The following DMD variants were observed in gnomAD, a reference collection of about 807,000 sequenced individuals.
DMD encodes the protein mutant dystrophin.
DMD carries 63 observed loss-of-function variants against 330.1 expected under a neutral mutation model. The observed-to-expected ratio is 0.19, with a 90% CI of 0.16 to 0.24. The LOEUF (loss-of-function observed/expected upper bound fraction) is 0.24. DMD is among the 10% of genes least tolerant of loss of function. The pLI, the probability that DMD is intolerant of heterozygous loss-of-function variation, is 1.00. For missense variants in DMD, 3,344 were observed against 2,684.1 expected (o/e 1.25, Z -5.43); for synonymous variants, 1,223 against 959.8 (o/e 1.27, Z -5.07).
At chrX:31,269,756 C>A (rs1603273462) in intron 62 of DMD, among the ~76,000 whole-genome samples, 1 of 111,970 alleles carries the variant, frequency 8.9e-6, no homozygotes, top group African/African-American at 3.2e-5. Flanking sequence ...GGTCTTTGAA[C>A]CACTTAAACT....
chrX:31,419,458 G>C (rs1380603555), intron 60 of DMD, among the ~76,000 whole-genome samples: 2 of 110,416 alleles, frequency 1.8e-5, no homozygotes. Context: ...ACTTCCCCAG[G>C]AAACTTTCCA....
chrX:32,668,506 C>T (rs2061446958), intron 9 of DMD, among the ~76,000 whole-genome samples: 1 of 112,128 alleles, frequency 8.9e-6, no homozygotes, highest in Admixed American at 9.5e-5. Flanking sequence ...TCCTTCGCAT[C>T]TCTGCATTAT....
intron 44 of DMD, among the ~76,000 whole-genome samples, chrX:32,153,383 G>A (rs2096814917): frequency 1.8e-5 from 2 of 110,465 alleles, no homozygotes; most frequent in Admixed American, 9.7e-5. Context: ...AATATACAGG[G>A]GTACACAGGT....
intron 1 of DMD, among the ~76,000 whole-genome samples, chrX:33,230,027 G>T (rs1281652184): frequency 1.8e-5 from 2 of 111,582 alleles, no homozygotes; most frequent in African/African-American, 6.5e-5. Context: ...CTATGCATGT[G>T]ATTACACAAA....
chrX:31,813,161 A>G (rs1299333169), intron 50 of DMD, among the ~76,000 whole-genome samples: 2 of 112,133 alleles, frequency 1.8e-5, no homozygotes, highest in Non-Finnish European at 3.8e-5. Flanking sequence ...AAGCCTACAC[A>G]TCGGAAGGAA....
At chrX:32,310,058 C>T (rs989066213) in intron 42 of DMD, 24 bp downstream of exon 42, 5 of 1,180,735 alleles carry the variant, frequency 4.2e-6, no homozygotes, top group African/African-American at 3.5e-5. Context: ...TTGTAAAATA[C>T]GAATGAAAGT....
At chrX:32,816,106 T>C (rs1017680188) in intron 6 of DMD, among the ~76,000 whole-genome samples, 124 of 111,576 alleles carry the variant, frequency 1.1e-3, no homozygotes, top group African/African-American at 4.0e-3. Flanking sequence ...CTGTATAGTT[T>C]AGGCTTATAC....
chrX:32,376,268 T>C (rs770215515), intron 34 of DMD, among the ~76,000 whole-genome samples: 1 of 111,611 alleles, frequency 9.0e-6, no homozygotes, highest in Non-Finnish European at 1.9e-5. Context: ...AGAGCAAGAC[T>C]CCATCTCAAA....
chrX:32,493,453 AAAG>A (rs1285549439), intron 19 of DMD, among the ~76,000 whole-genome samples: 2 of 112,158 alleles, frequency 1.8e-5, no homozygotes, highest in Non-Finnish European at 3.8e-5. Context: ...TCTAAGTATA[AAAG>A]AAGTCCGTGG....
At chrX:33,119,826 A>G (rs189623315) in intron 1 of DMD, among the ~76,000 whole-genome samples, 61 of 111,929 alleles carry the variant, frequency 5.4e-4, no homozygotes, top group Admixed American at 2.5e-3. Context: ...AGGGTAAATT[A>G]GACTAGGATG....
rs771429960 is a variant in DMD at position 31,517,577 on chromosome X, G to A, written c.8218-10124C>T. On this transcript the variant is annotated intron_variant, in intron 55 of 78. Transcript: ENST00000357033. ...TGTAACATTGTGAAAATAGCATCTG[G>A]TAATGATTATTGGGAGGATGGTGTT... Among the ~76,000 whole-genome samples, 4 of 111,111 alleles carry A rather than the reference G, an allele frequency of 3.6e-5. No homozygotes were observed. The South Asian group carries it at 1.2e-3, about 32-fold the overall frequency.
chrX:31,381,289 C>G (rs1472462269), intron 60 of DMD, among the ~76,000 whole-genome samples: 3 of 111,326 alleles, frequency 2.7e-5, no homozygotes, highest in Admixed American at 9.6e-5. Context: ...GGACTGGGAT[C>G]ACGTCCTGTA....
At chrX:32,462,207 T>C (rs1355847903) in intron 25 of DMD, among the ~76,000 whole-genome samples, 1 of 111,400 alleles carries the variant, frequency 9.0e-6, no homozygotes, top group African/African-American at 3.3e-5. Context: ...CTAGATTTTT[T>C]CCTACTCATA....
In DMD at chrX:31,147,511, G is replaced by T. The variant is rs752218533; in HGVS notation, c.10561C>A (p.Gln3521Lys). Residue 3521 changes from glutamine to lysine, a missense_variant, in exon 75 of 79, where the codon CAA becomes AAA. Coordinates refer to ENST00000357033, the MANE Select transcript of DMD (RefSeq NM_004006.3). ...TGCTTTAGACGGTCATATTCTGCTT[G>T]CAGATTCCTATTGGCATCAAAAAAG... ...ADLEEENRNL[Q>K]AEYDRLKQQH... 1 of 1,184,756 alleles carries T rather than the reference G, an allele frequency of 8.4e-7. No individual in the cohort carries two copies. Among genetic ancestry groups the T allele is most frequent in the Non-Finnish European group, 1.1e-6 (1 of 878,560 alleles).
At chrX:31,483,257 A>G (rs1022122952) in intron 57 of DMD, among the ~76,000 whole-genome samples, 12 of 108,960 alleles carry the variant, frequency 1.1e-4, no homozygotes, top group East Asian at 2.9e-4. Context: ...CGTGTTAGCC[A>G]GGATGGTCTC....
At chrX:32,561,697 G>A (rs112567186) in intron 16 of DMD, among the ~76,000 whole-genome samples, 1,259 of 111,113 alleles carry the variant, frequency 0.011, 22 homozygotes, top group African/African-American at 0.039. Context: ...CAAATTCAGG[G>A]AATGCAAGAT....
At chrX:32,102,665 G>T (rs933974920) in intron 44 of DMD, among the ~76,000 whole-genome samples, 1 of 111,520 alleles carries the variant, frequency 9.0e-6, no homozygotes, top group East Asian at 2.8e-4. Context: ...TTTGAGAACA[G>T]TTGATATGAA....
intron 41 of DMD, among the ~76,000 whole-genome samples, chrX:32,328,898 T>G (rs755637275): frequency 8.9e-6 from 1 of 111,831 alleles, no homozygotes; most frequent in African/African-American, 3.2e-5. Flanking sequence ...TGCTCTTTTT[T>G]TTCTTTTCCT....
Position 32,491,261 on chromosome X carries a change from G to A in DMD, c.2622+16C>T, listed in dbSNP as rs1406366851. 2 of 1,209,377 alleles carry A rather than the reference G, an allele frequency of 1.7e-6. No individual in the cohort carries two copies. Among genetic ancestry groups the A allele is most frequent in the Non-Finnish European group, 2.2e-6 (2 of 894,358 alleles). On this transcript the variant is annotated intron_variant, in intron 20 of 78. Transcript: ENST00000357033. ...CTATTGATTATGCTCCAAATGGAAG[G>A]AGAAGAGATTCTTACCTTACAAATT...
Sources: allele counts gnomAD v4.1 joint callset (sites outside exome capture counted in the v4.1 genomes callset), GRCh38; gene constraint gnomAD v4.1.1; transcripts MANE v1.5; gene names NCBI Gene and HGNC (gene_info 2026-07-23, HGNC 2026-07-21).